Variants in FGF14 observed in about 807,000 individuals in gnomAD.
FGF14 encodes fibroblast growth factor 14, also known as fibroblast growth factor homologous factor 4.
In FGF14, 5 loss-of-function variants were observed where a neutral mutation model predicts 25.5. The ratio of observed to expected loss-of-function variants is 0.20; its 90% CI spans 0.10 to 0.41. The LOEUF is 0.41. FGF14 is among the 10% of genes least tolerant of loss of function. The pLI is 1.00. For synonymous variants in FGF14, 138 were observed against 118.3 expected, an observed-to-expected ratio of 1.17 and a Z score of -1.08; for missense variants, 222 against 320.1, an observed-to-expected ratio of 0.69 and a Z score of 2.34.
At chr13:102,161,611 A>AT (rs2047687707) in intron 1 of FGF14, among the ~76,000 whole-genome samples, 1 of 4,434 alleles carries the variant, frequency 2.3e-4, no homozygotes, top group African/African-American at 2.3e-3. Flanking sequence ...GAAGAAGAAG[A>AT]AGAAGAAGAA....
chr13:102,190,873 C>T (rs1448000443), intron 1 of FGF14, among the ~76,000 whole-genome samples: 1 of 152,088 alleles, frequency 6.6e-6, no homozygotes, highest in Non-Finnish European at 1.5e-5. Context: ...GAACAGTGAC[C>T]TTTCTGGTGT....
At chr13:101,997,543 C>T (rs1485759993) in intron 1 of FGF14, among the ~76,000 whole-genome samples, 1 of 152,168 alleles carries the variant, frequency 6.6e-6, no homozygotes, top group Non-Finnish European at 1.5e-5. Flanking sequence ...TAAAATCATG[C>T]TTAAAAGCAG....
At chr13:102,331,274 T>C (rs2056625339) in intron 1 of FGF14, among the ~76,000 whole-genome samples, 1 of 152,210 alleles carries the variant, frequency 6.6e-6, no homozygotes, top group South Asian at 2.1e-4. Context: ...CATTTTCTCA[T>C]ATTTTAATAT....
At chr13:102,342,944 A>C (rs544030886) in intron 1 of FGF14, among the ~76,000 whole-genome samples, 1 of 152,300 alleles carries the variant, frequency 6.6e-6, no homozygotes, top group African/African-American at 2.4e-5. Context: ...TAGAAACCCA[A>C]GCAACTAGTC....
At chr13:102,144,040 G>T (rs2046753662) in intron 1 of FGF14, among the ~76,000 whole-genome samples, 1 of 152,132 alleles carries the variant, frequency 6.6e-6, no homozygotes, top group Non-Finnish European at 1.5e-5. Flanking sequence ...TTTAGAGACA[G>T]GGTTTCTCTC....
chr13:102,234,778 C>A (rs1348986101), intron 1 of FGF14, among the ~76,000 whole-genome samples: 1 of 152,144 alleles, frequency 6.6e-6, no homozygotes, highest in African/African-American at 2.4e-5. Context: ...GCTTATGAAA[C>A]ATACACGTTT....
intron 1 of FGF14, among the ~76,000 whole-genome samples, chr13:102,216,600 G>A (rs1244789674): frequency 2.6e-5 from 4 of 152,226 alleles, no homozygotes; most frequent in East Asian, 3.9e-4. Flanking sequence ...TGTGTAAATT[G>A]TATAATGATT....
At chr13:102,396,096 A>G (rs568292686) in intron 1 of FGF14, among the ~76,000 whole-genome samples, 1 of 152,298 alleles carries the variant, frequency 6.6e-6, no homozygotes, top group African/African-American at 2.4e-5. Flanking sequence ...CGGGTTCAAC[A>G]CATAACTAAA....
intron 1 of FGF14, among the ~76,000 whole-genome samples, chr13:102,288,214 A>G (rs1566903803): frequency 6.6e-6 from 1 of 152,240 alleles, no homozygotes; most frequent in African/African-American, 2.4e-5. Flanking sequence ...ATTGCCAACT[A>G]AAATCTACTG....
intron 1 of FGF14, among the ~76,000 whole-genome samples, chr13:102,306,802 T>C (rs2055406886): frequency 6.6e-6 from 1 of 152,076 alleles, no homozygotes; most frequent in African/African-American, 2.4e-5. Context: ...CCACCATCTA[T>C]CAGAAAAAGG....
chr13:102,313,483 C>T (rs2055874096), intron 1 of FGF14, among the ~76,000 whole-genome samples: 2 of 152,092 alleles, frequency 1.3e-5, no homozygotes, highest in African/African-American at 2.4e-5. Flanking sequence ...ACTGATGAAA[C>T]AGTCCCGATT....
Position 102,111,382 on chromosome 13 carries a change from T to C in FGF14, c.209-236086A>G, listed in dbSNP as rs373847324. ...ATTCTCATGTGTGGTTAAGGATAGC[T>C]GCAATACTAGCAATTGTTGACTGTT... On this transcript the variant is annotated intron_variant, in intron 1 of 4. Coordinates refer to the FGF14 transcript ENST00000376131. Among the ~76,000 whole-genome samples the C allele has an allele frequency of 3.9e-5, 6 of 152,330 alleles. No homozygotes were observed. In the East Asian group the frequency reaches 9.6e-4, roughly 24 times the overall value.
chr13:101,787,164 A>T (rs191362721), intron 3 of FGF14, among the ~76,000 whole-genome samples: 6 of 76,050 alleles, frequency 7.9e-5, no homozygotes, highest in African/African-American at 2.1e-4. Flanking sequence ...GACATCATCC[A>T]TGTCACAATA....
intron 1 of FGF14, among the ~76,000 whole-genome samples, chr13:102,380,497 A>C (rs2058157487): frequency 6.6e-6 from 1 of 152,118 alleles, no homozygotes; most frequent in South Asian, 2.1e-4. Context: ...GACCCTGAGA[A>C]TGTCTAGCTA....
At chr13:102,264,629 GTACAGAAAC>G (rs2052893896) in intron 1 of FGF14, among the ~76,000 whole-genome samples, 3 of 145,896 alleles carry the variant, frequency 2.1e-5, no homozygotes, top group Non-Finnish European at 3.1e-5. Context: ...TTTACAGGTT[GTACAGAAAC>G]CACAAAGGAT....
chr13:102,109,322 A>C (rs2045096971), intron 1 of FGF14, among the ~76,000 whole-genome samples: 1 of 152,158 alleles, frequency 6.6e-6, no homozygotes, highest in African/African-American at 2.4e-5. Flanking sequence ...GGTAGACAGG[A>C]GGAATAAGTT....
chr13:102,387,325 C>T (rs915000479), intron 1 of FGF14, among the ~76,000 whole-genome samples: 1 of 152,028 alleles, frequency 6.6e-6, no homozygotes, highest in African/African-American at 2.4e-5. Context: ...GTAAGGAAAG[C>T]AAAAATTATT....
intron 1 of FGF14, among the ~76,000 whole-genome samples, chr13:102,312,484 G>A (rs755396333): frequency 2.6e-5 from 4 of 152,130 alleles, no homozygotes; most frequent in Non-Finnish European, 2.9e-5. Context: ...AGAATAAATA[G>A]GACTGATACT....
intron 1 of FGF14, among the ~76,000 whole-genome samples, chr13:101,971,868 A>T (rs2139546169): frequency 6.6e-6 from 1 of 152,340 alleles, no homozygotes; most frequent in Non-Finnish European, 1.5e-5. Flanking sequence ...AACACAGTGC[A>T]GCCAATACAT....
Sources: gnomAD v4.1 joint callset for allele counts (sites outside exome capture counted in the v4.1 genomes callset) on GRCh38, gnomAD v4.1.1 for gene constraint, MANE v1.5 for transcripts, NCBI Gene and HGNC (gene_info 2026-07-23, HGNC 2026-07-21) for gene names.